Variants in SHISA9 observed in about 807,000 individuals in gnomAD.
SHISA9 encodes protein shisa-9.
Under a neutral mutation model 38.0 loss-of-function variants are expected in SHISA9, and 13 were observed. The ratio of observed to expected loss-of-function variants is 0.34; its 90% CI spans 0.22 to 0.54. The LOEUF (loss-of-function observed/expected upper bound fraction) is 0.54. SHISA9 is among the 20% of genes least tolerant of loss of function. The probability of loss-of-function intolerance (pLI) is 0.91; values close to 1 mark genes in which losing one functional copy is unlikely to be tolerated. For synonymous variants in SHISA9, 275 were observed against 242.0 expected, an observed-to-expected ratio of 1.14 and a Z score of -1.27; for missense variants, 538 against 575.8, an observed-to-expected ratio of 0.93 and a Z score of 0.67.
At chr16:13,004,177 G>A (rs1460841376) in intron 2 of SHISA9, among the ~76,000 whole-genome samples, 1 of 152,166 alleles carries the variant, frequency 6.6e-6, no homozygotes, top group Non-Finnish European at 1.5e-5. Flanking sequence ...TCCCTCAAAG[G>A]GGATATAGGG....
At chr16:13,147,215 C>G (rs531343472) in intron 2 of SHISA9, among the ~76,000 whole-genome samples, 65 of 152,134 alleles carry the variant, frequency 4.3e-4, no homozygotes, top group Admixed American at 1.9e-3. Flanking sequence ...AAATAAGAAA[C>G]TAGCAGGGCC....
intron 2 of SHISA9, among the ~76,000 whole-genome samples, chr16:13,178,410 C>T (rs866663176): frequency 7.9e-5 from 12 of 151,752 alleles, no homozygotes; most frequent in Admixed American, 2.6e-4. Context: ...TATCTCCTGA[C>T]GATGCTTCTG....
chr16:13,256,902 A>G, the SHISA9 span, among the ~76,000 whole-genome samples: 1 of 152,238 alleles, frequency 6.6e-6, no homozygotes, highest in African/African-American at 2.4e-5. Flanking sequence ...TGTTGAAATC[A>G]GTGAACCTTC....
At chr16:13,542,174 C>T in the SHISA9 span, among the ~76,000 whole-genome samples, 15 of 152,166 alleles carry the variant, frequency 9.9e-5, no homozygotes, top group Non-Finnish European at 1.8e-4. Flanking sequence ...TGCCCTTGAG[C>T]CTTCAGAGGG....
chr16:13,294,359 G>T, the SHISA9 span, among the ~76,000 whole-genome samples: 124 of 152,318 alleles, frequency 8.1e-4, 1 homozygote, highest in African/African-American at 2.9e-3. Context: ...GTTAAAGTTA[G>T]TTAGGCCACC....
the SHISA9 span, among the ~76,000 whole-genome samples, chr16:13,316,346 G>T: frequency 6.6e-6 from 1 of 152,154 alleles, no homozygotes; most frequent in South Asian, 2.1e-4. Flanking sequence ...GGGATTCTGT[G>T]TGTAGGTTTC....
chr16:13,096,849 G>A (rs1023049987), intron 2 of SHISA9, among the ~76,000 whole-genome samples: 7 of 151,990 alleles, frequency 4.6e-5, no homozygotes, highest in Non-Finnish European at 8.8e-5. Flanking sequence ...TCTTCCCTGA[G>A]ACTTACTCAT....
At position 13,236,848 on chromosome 16, in the gene SHISA9, A is replaced by C. The variant is rs1394231394; in HGVS notation, c.*1439A>C. ...TCCCGTAATTCCCATGGTCCCTCCA[A>C]ATTACCTCCCCACATACTTCATGTG... On this transcript the variant is annotated 3_prime_UTR_variant, in exon 5 of 5. Coordinates refer to ENST00000558583, the MANE Select transcript of SHISA9 (RefSeq NM_001145204.3). 2 of 152,172 alleles carry C rather than the reference A, an allele frequency of 1.3e-5. No homozygotes were observed. The highest frequency in any genetic ancestry group is 4.8e-5 in the African/African-American group (2 of 41,422). 9.4% of individuals were successfully genotyped at this position (152,172 alleles called of 1,614,324 possible).
intron 4 of SHISA9, among the ~76,000 whole-genome samples, chr16:13,223,057 G>T (rs2051244531): frequency 6.6e-6 from 1 of 152,102 alleles, no homozygotes; most frequent in African/African-American, 2.4e-5. Flanking sequence ...GAAGCTTAGA[G>T]ATTTGAACCC....
the SHISA9 span, among the ~76,000 whole-genome samples, chr16:13,364,458 A>G: frequency 6.6e-6 from 1 of 152,250 alleles, no homozygotes; most frequent in Non-Finnish European, 1.5e-5. Context: ...TGGGTGGTTT[A>G]TGTCTTTCAA....
intron 2 of SHISA9, among the ~76,000 whole-genome samples, chr16:13,153,543 T>C (rs1201195037): frequency 6.6e-6 from 1 of 152,198 alleles, no homozygotes; most frequent in Non-Finnish European, 1.5e-5. Flanking sequence ...GGAACTCCAA[T>C]GTGGGATTTC....
intron 2 of SHISA9, among the ~76,000 whole-genome samples, chr16:13,006,164 T>G (rs34718550): frequency 6.6e-6 from 1 of 152,080 alleles, no homozygotes; most frequent in African/African-American, 2.4e-5. Context: ...TGTGAGCGTT[T>G]GCATGATTTG....
chr16:13,019,499 A>T (rs1408089048), intron 2 of SHISA9, among the ~76,000 whole-genome samples: 1 of 151,126 alleles, frequency 6.6e-6, no homozygotes, highest in Non-Finnish European at 1.5e-5. Context: ...TATTGTGGTT[A>T]ACTATACATA....
the SHISA9 span, among the ~76,000 whole-genome samples, chr16:13,338,340 G>T: frequency 6.6e-6 from 1 of 152,110 alleles, no homozygotes; most frequent in Non-Finnish European, 1.5e-5. Context: ...ACTTGCAACA[G>T]AAAAACAATC....
At chr16:13,142,142 T>C (rs2050407273) in intron 2 of SHISA9, among the ~76,000 whole-genome samples, 1 of 152,218 alleles carries the variant, frequency 6.6e-6, no homozygotes, top group African/African-American at 2.4e-5. Flanking sequence ...TCGAGGTGGT[T>C]CTGCTGGGTA....
chr16:13,409,645 A>G, the SHISA9 span, among the ~76,000 whole-genome samples: 1 of 152,242 alleles, frequency 6.6e-6, no homozygotes, highest in Admixed American at 6.5e-5. Context: ...TGAGAATCAC[A>G]TAAACTTATC....
intron 2 of SHISA9, among the ~76,000 whole-genome samples, chr16:12,967,543 A>G (rs1445885526): frequency 6.6e-6 from 1 of 152,096 alleles, no homozygotes; most frequent in African/African-American, 2.4e-5. Context: ...CATGTACCCT[A>G]AAACTTAAAG....
chr16:13,057,335 A>G (rs552607141), intron 2 of SHISA9, among the ~76,000 whole-genome samples: 1 of 152,230 alleles, frequency 6.6e-6, no homozygotes, highest in African/African-American at 2.4e-5. Context: ...CAACAAGCTT[A>G]GAAGGGAATG....
chr16:13,352,947 T>C, the SHISA9 span, among the ~76,000 whole-genome samples: 1 of 152,198 alleles, frequency 6.6e-6, no homozygotes, highest in Non-Finnish European at 1.5e-5. Flanking sequence ...GCATATTCAC[T>C]TCTTTTGTGA....
Sources: gnomAD v4.1 joint callset for allele counts (sites outside exome capture counted in the v4.1 genomes callset) on GRCh38, gnomAD v4.1.1 for gene constraint, MANE v1.5 for transcripts, NCBI Gene and HGNC (gene_info 2026-07-23, HGNC 2026-07-21) for gene names.